Variants in LAMA2 observed in about 807,000 individuals in gnomAD.
LAMA2 encodes laminin subunit alpha-2.
Under a neutral mutation model 364.8 loss-of-function variants are expected in LAMA2, and 269 were observed. That is an observed-to-expected ratio of 0.74 (90% CI 0.67 to 0.82). The LOEUF is 0.82. Among genes scored for constraint, LAMA2 ranks in the 40% least tolerant of loss-of-function variants. LAMA2 has a pLI of 0.00. For missense variants in LAMA2, 3,807 were observed against 3,873.2 expected (o/e 0.98, Z 0.45); for synonymous variants, 1,379 against 1,370.6 (o/e 1.01, Z -0.14).
At chr6:128,961,031 T>C (rs985170205) in intron 1 of LAMA2, among the ~76,000 whole-genome samples, 9 of 151,850 alleles carry the variant, frequency 5.9e-5, no homozygotes, top group East Asian at 1.9e-4. Flanking sequence ...AACTCAAATA[T>C]GAACAAGGTA....
chr6:129,159,735 A>AT (rs369687145), intron 8 of LAMA2, among the ~76,000 whole-genome samples: 3 of 152,134 alleles, frequency 2.0e-5, no homozygotes, highest in Non-Finnish European at 4.4e-5. Flanking sequence ...TGAACTGCAT[A>AT]TTTTTTTATG....
chr6:129,507,773 T>A, intron 62 of LAMA2, 131 bp downstream of exon 62: 1 of 903,136 alleles, frequency 1.1e-6, no homozygotes, highest in Admixed American at 2.1e-5. Flanking sequence ...AAGAAACTTA[T>A]GGAAGTAATT....
intron 32 of LAMA2, among the ~76,000 whole-genome samples, chr6:129,357,704 A>G (rs1208124072): frequency 6.6e-6 from 1 of 152,006 alleles, no homozygotes; most frequent in Non-Finnish European, 1.5e-5. Context: ...CTACAGAGAT[A>G]TAATCAACAT....
rs1411259084 is a variant in LAMA2 at position 129,192,614 on chromosome 6, A to T, written c.1609-66A>T. 2.2e-5 allele frequency: 32 copies of T among 1,480,238 alleles called. 1 individual carries two copies. Among genetic ancestry groups the T allele is most frequent in the Non-Finnish European group, 2.7e-5 (29 of 1,065,634 alleles). 91.7% of individuals were successfully genotyped at this position (1,480,238 alleles called of 1,614,324 possible). ...TCCAAAAGTGGACACGACCAGGAAC[A>T]TGAAAGAGAAAAGCAGCTGATAGAT... On this transcript the variant is annotated intron_variant, in intron 11 of 64. Coordinates refer to ENST00000421865, the MANE Select transcript of LAMA2 (RefSeq NM_000426.4).
intron 27 of LAMA2, among the ~76,000 whole-genome samples, chr6:129,318,357 A>G (rs1774745564): frequency 6.6e-6 from 1 of 152,160 alleles, no homozygotes; most frequent in Non-Finnish European, 1.5e-5. Context: ...ATTTAAATGG[A>G]AGCTGGAGTT....
At chr6:129,222,442 A>G (rs1053877466) in intron 12 of LAMA2, among the ~76,000 whole-genome samples, 8 of 151,564 alleles carry the variant, frequency 5.3e-5, no homozygotes, top group Non-Finnish European at 7.4e-5. Flanking sequence ...TGCTGCATCC[A>G]TTAACTCGTT....
At chr6:129,210,763 C>A (rs1381544094) in intron 12 of LAMA2, among the ~76,000 whole-genome samples, 1 of 152,064 alleles carries the variant, frequency 6.6e-6, no homozygotes, top group Non-Finnish European at 1.5e-5. Flanking sequence ...AATTAGAACA[C>A]CCAAAAACAA....
intron 17 of LAMA2, among the ~76,000 whole-genome samples, 188 bp from the exon 18 acceptor site, chr6:129,279,868 TTCACG>T (rs1469085649): frequency 2.6e-5 from 4 of 152,178 alleles, no homozygotes; most frequent in Non-Finnish European, 5.9e-5. Flanking sequence ...CTGGGCTATA[TTCACG>T]TCTGCAGAAA....
At chr6:129,292,660 A>C (rs1789792770) in intron 20 of LAMA2, 1 of 273,368 alleles carries the variant, frequency 3.7e-6, no homozygotes, top group Non-Finnish European at 5.6e-6. Context: ...TTTGTGATAA[A>C]GACAGCTAAG....
chr6:129,491,878 G>A, intron 56 of LAMA2, 23 bp from the exon 57 acceptor site: 1 of 1,558,382 alleles, frequency 6.4e-7, no homozygotes, highest in Admixed American at 1.7e-5. Flanking sequence ...ACTTATACTT[G>A]TTTATTTTTA....
chr6:129,336,112 A>G (rs541345547), intron 29 of LAMA2, among the ~76,000 whole-genome samples: 2 of 152,312 alleles, frequency 1.3e-5, no homozygotes, highest in East Asian at 1.9e-4. Flanking sequence ...TTGCTTACTT[A>G]ACAAATATCT....
At chr6:129,408,917 A>C (rs1349675978) in intron 40 of LAMA2, among the ~76,000 whole-genome samples, 2 of 152,154 alleles carry the variant, frequency 1.3e-5, no homozygotes, top group African/African-American at 2.4e-5. Flanking sequence ...CCCGTTGGTG[A>C]GCACTCACAT....
chr6:129,187,608 G>A (rs888157845), intron 10 of LAMA2, among the ~76,000 whole-genome samples: 1 of 151,822 alleles, frequency 6.6e-6, no homozygotes, highest in Non-Finnish European at 1.5e-5. Flanking sequence ...CAAGTACCAA[G>A]TGAAGTTCTA....
chr6:129,403,372 T>C (rs1407751454), intron 39 of LAMA2, among the ~76,000 whole-genome samples: 2 of 152,236 alleles, frequency 1.3e-5, no homozygotes, highest in African/African-American at 4.8e-5. Flanking sequence ...TGGGGACATA[T>C]TGGTCATTTG....
chr6:129,482,818 T>C (rs1583854912), intron 55 of LAMA2, among the ~76,000 whole-genome samples: 1 of 152,098 alleles, frequency 6.6e-6, no homozygotes, highest in African/African-American at 2.4e-5. Context: ...CCCAGCACTT[T>C]GGGAGGCCAA....
Position 129,129,797 on chromosome 6 carries a change from G to A in LAMA2, c.640-14104G>A, listed in dbSNP as rs984957742. Among the ~76,000 whole-genome samples, 12 of 150,114 alleles carry A rather than the reference G, an allele frequency of 8.0e-5. 1 individual carries two copies. The highest frequency in any genetic ancestry group is 9.8e-5 in the African/African-American group (4 of 40,948). ...AAATTAGCCAGGCGTAGTGGCGGGC[G>A]CCTGTAGTCCCAGCTACTTGGGAGG... On this transcript the variant is annotated intron_variant, in intron 4 of 64. Coordinates refer to ENST00000421865, the MANE Select transcript of LAMA2 (RefSeq NM_000426.4).
intron 3 of LAMA2, among the ~76,000 whole-genome samples, chr6:129,084,654 T>G (rs1025596597): frequency 1.3e-5 from 2 of 152,158 alleles, no homozygotes; most frequent in Non-Finnish European, 2.9e-5. Context: ...TAAAATCAGC[T>G]TTCAATAAGT....
At chr6:129,161,516 CT>C (rs1421977874) in intron 8 of LAMA2, among the ~76,000 whole-genome samples, 1 of 152,056 alleles carries the variant, frequency 6.6e-6, no homozygotes, top group Non-Finnish European at 1.5e-5. Context: ...AGCAGTACCT[CT>C]TTGTATAATT....
chr6:129,503,661 T>C (rs116236209), intron 60 of LAMA2, among the ~76,000 whole-genome samples: 1 of 152,218 alleles, frequency 6.6e-6, no homozygotes, highest in Non-Finnish European at 1.5e-5. Context: ...TGAGATTATA[T>C]TATAGCATTT....
Sources: gnomAD v4.1 joint callset for allele counts (sites outside exome capture counted in the v4.1 genomes callset) on GRCh38, gnomAD v4.1.1 for gene constraint, MANE v1.5 for transcripts, NCBI Gene and HGNC (gene_info 2026-07-23, HGNC 2026-07-21) for gene names.